Variants in DMD observed in about 807,000 individuals in gnomAD.
DMD encodes dystrophin, also known as mutant dystrophin.
A neutral mutation model predicts 330.1 loss-of-function variants in DMD; 63 were observed. That is an observed-to-expected ratio of 0.19 (90% CI 0.16 to 0.24). The LOEUF (loss-of-function observed/expected upper bound fraction) is 0.24. Among genes scored for constraint, DMD ranks in the 10% least tolerant of loss-of-function variants. The pLI, the probability that DMD is intolerant of heterozygous loss-of-function variation, is 1.00. For missense variants in DMD, 3,344 were observed against 2,684.1 expected, an observed-to-expected ratio of 1.25 and a Z score of -5.43; for synonymous variants, 1,223 against 959.8, an observed-to-expected ratio of 1.27 and a Z score of -5.07.
Position 32,342,300 on chromosome X carries a change from T to TA in DMD, c.5740-19dup. ...TCAATTTCCTATTGAGCAAAACCAATACAGGGCCCAGGGCAGTTAGCTAAC... is the reference window on the plus strand; with the variant it reads ...TCAATTTCCTATTGAGCAAAACCAATAACAGGGCCCAGGGCAGTTAGCTAAC... On this transcript the variant is annotated intron_variant, in intron 40 of 78. Transcript: ENST00000357033. The TA allele has an allele frequency of 8.3e-7, 1 of 1,209,504 alleles. No homozygotes were observed. Among genetic ancestry groups the TA allele is most frequent in the Non-Finnish European group, 1.1e-6 (1 of 894,470 alleles).
intron 22 of DMD, among the ~76,000 whole-genome samples, chrX:32,469,688 A>G (rs1439283124): frequency 9.0e-6 from 1 of 111,545 alleles, no homozygotes; most frequent in Non-Finnish European, 1.9e-5. Flanking sequence ...TAGGTGTTTT[A>G]GTGTGAGCAT....
intron 47 of DMD, among the ~76,000 whole-genome samples, chrX:31,891,117 T>C (rs2094243036): frequency 9.0e-6 from 1 of 111,465 alleles, no homozygotes; most frequent in East Asian, 2.8e-4. Context: ...TAATATCATA[T>C]AGAATTGCTA....
chrX:32,178,830 GGT>G (rs60773717), intron 44 of DMD, among the ~76,000 whole-genome samples: 4,302 of 99,059 alleles, frequency 0.043, 199 homozygotes, highest in African/African-American at 0.12. Context: ...TATTCCAGGG[GGT>G]GTGTGTGTGT....
At chrX:31,527,459 T>C (rs2073332808) in intron 55 of DMD, among the ~76,000 whole-genome samples, 1 of 112,300 alleles carries the variant, frequency 8.9e-6, no homozygotes, top group Non-Finnish European at 1.9e-5. Flanking sequence ...TTCTACACAA[T>C]CTTTTTTTAT....
chrX:32,785,912 T>C (rs2075312234), intron 7 of DMD, among the ~76,000 whole-genome samples: 2 of 111,368 alleles, frequency 1.8e-5, no homozygotes, highest in Admixed American at 1.9e-4. Flanking sequence ...TTCCAAATAC[T>C]CAAATGCCCA....
intron 7 of DMD, among the ~76,000 whole-genome samples, chrX:32,755,213 T>TA (rs2071347427): frequency 9.0e-6 from 1 of 110,763 alleles, no homozygotes; most frequent in South Asian, 3.8e-4. Flanking sequence ...TCAACTTTTT[T>TA]TTTGTATGGG....
At chrX:31,511,759 G>C (rs867760904) in intron 55 of DMD, among the ~76,000 whole-genome samples, 4,410 of 106,132 alleles carry the variant, frequency 0.042, 281 homozygotes, top group African/African-American at 0.14. Flanking sequence ...TTGGTTCCAA[G>C]TCTTTGCTAT....
At chrX:31,729,027 T>C (rs17330048) in intron 52 of DMD, among the ~76,000 whole-genome samples, 2,881 of 111,324 alleles carry the variant, frequency 0.026, 34 homozygotes, top group Non-Finnish European at 0.037. Context: ...ACACAATCAC[T>C]GCGAATCACT....
At chrX:31,992,410 A>G (rs1307121171) in intron 44 of DMD, among the ~76,000 whole-genome samples, 1 of 111,879 alleles carries the variant, frequency 8.9e-6, no homozygotes, top group African/African-American at 3.2e-5. Flanking sequence ...CATTAAAACT[A>G]TCTGGAAATG....
At chrX:32,775,197 G>A (rs906642633) in intron 7 of DMD, among the ~76,000 whole-genome samples, 22 of 112,733 alleles carry the variant, frequency 2.0e-4, no homozygotes, top group Non-Finnish European at 3.8e-5. Flanking sequence ...TGGCTCTGCA[G>A]AGCACAGCCC....
rs765607433 is a variant in DMD at position 32,812,291 on chromosome X, CAAAAA to C, written c.531-2685_531-2681del. On this transcript the variant is annotated intron_variant, in intron 6 of 78. Transcript: ENST00000357033. ...CAAAAAAACAAAATAACGAAAAAAACAAAAAAAAAGTTACAAAGGTAGTTTAGCTG... is the reference window on the plus strand; with the variant it reads ...CAAAAAAACAAAATAACGAAAAAAACAAAAGTTACAAAGGTAGTTTAGCTG... 3.4e-3 allele frequency among the ~76,000 whole-genome samples: 369 copies of C among 109,935 alleles called. 3 individuals are homozygous for C. The highest frequency in any genetic ancestry group is 0.012 in the African/African-American group (351 of 30,301).
intron 63 of DMD, among the ~76,000 whole-genome samples, chrX:31,223,866 T>C (rs1209096876): frequency 8.9e-6 from 1 of 112,737 alleles, no homozygotes; most frequent in Non-Finnish European, 1.9e-5. Flanking sequence ...GTGTGTGATA[T>C]GTATTTAAAA....
At chrX:31,344,543 G>A (rs773270505) in intron 61 of DMD, among the ~76,000 whole-genome samples, 10 of 111,258 alleles carry the variant, frequency 9.0e-5, no homozygotes, top group Non-Finnish European at 1.9e-4. Context: ...TTTTATCTGC[G>A]CATGGTTTAA....
chrX:31,417,643 C>A (rs1018377340), intron 60 of DMD, among the ~76,000 whole-genome samples: 3 of 110,160 alleles, frequency 2.7e-5, no homozygotes, highest in African/African-American at 9.9e-5. Context: ...GATAGTACTG[C>A]AATATAACTA....
At chrX:32,989,525 T>A (rs1050667474) in intron 2 of DMD, among the ~76,000 whole-genome samples, 8 of 112,034 alleles carry the variant, frequency 7.1e-5, no homozygotes, top group Non-Finnish European at 1.5e-4. Flanking sequence ...AATTCCAATC[T>A]AAGATATTTG....
At chrX:33,008,681 C>T (rs375731211) in intron 2 of DMD, among the ~76,000 whole-genome samples, 1 of 108,100 alleles carries the variant, frequency 9.3e-6, no homozygotes, top group Non-Finnish European at 1.9e-5. Context: ...ATATTAATAT[C>T]TTTATTCATC....
chrX:31,747,035 G>C (rs1437753052), intron 51 of DMD, among the ~76,000 whole-genome samples: 1 of 111,287 alleles, frequency 9.0e-6, no homozygotes, highest in African/African-American at 3.3e-5. Flanking sequence ...ATATGACTGG[G>C]AAAAAGATAA....
intron 44 of DMD, among the ~76,000 whole-genome samples, chrX:32,065,510 G>C (rs770503929): frequency 1.8e-5 from 2 of 112,110 alleles, no homozygotes; most frequent in South Asian, 7.2e-4. Flanking sequence ...TTGCTTAAAT[G>C]AGGAAATAAA....
intron 7 of DMD, among the ~76,000 whole-genome samples, chrX:32,746,975 C>T (rs749266060): frequency 2.7e-5 from 3 of 111,795 alleles, no homozygotes; most frequent in Non-Finnish European, 5.6e-5. Context: ...TCTTCGTGCC[C>T]GACTTATTTC....
Sources: allele counts gnomAD v4.1 joint callset (sites outside exome capture counted in the v4.1 genomes callset), GRCh38; gene constraint gnomAD v4.1.1; transcripts MANE v1.5; gene names NCBI Gene and HGNC (gene_info 2026-07-23, HGNC 2026-07-21).